Variants in RBFOX1 observed in about 807,000 individuals in gnomAD.
RBFOX1 encodes the protein RNA binding fox-1 homolog 1, also known as RNA binding protein fox-1 homolog 1.
Under a neutral mutation model 57.7 loss-of-function variants are expected in RBFOX1, and 8 were observed. The observed-to-expected ratio is 0.14, with a 90% CI of 0.08 to 0.25. RBFOX1 has a LOEUF of 0.25. Ranked by LOEUF, RBFOX1 falls within the 10% of genes least tolerant of loss-of-function variation. RBFOX1 has a pLI of 1.00. For missense variants in RBFOX1, 611 were observed against 548.5 expected, an observed-to-expected ratio of 1.11 and a Z score of -1.14; for synonymous variants, 326 against 222.4, an observed-to-expected ratio of 1.47 and a Z score of -4.15.
At chr16:6,234,274 A>T (rs185101038) in intron 1 of RBFOX1, among the ~76,000 whole-genome samples, 1 of 152,326 alleles carries the variant, frequency 6.6e-6, no homozygotes, top group Non-Finnish European at 1.5e-5. Context: ...TACAGAAGCT[A>T]AATTTCCCCT....
intron 3 of RBFOX1, among the ~76,000 whole-genome samples, chr16:6,909,334 G>T (rs561059796): frequency 1.3e-5 from 2 of 152,122 alleles, no homozygotes; most frequent in Non-Finnish European, 2.9e-5. Flanking sequence ...TCTTCCTCTT[G>T]TAAGGAACTT....
intron 4 of RBFOX1, among the ~76,000 whole-genome samples, chr16:5,895,116 T>C (rs1251546148): frequency 6.6e-6 from 1 of 152,176 alleles, no homozygotes; most frequent in Non-Finnish European, 1.5e-5. Context: ...ATTTAAGGGG[T>C]ATTTTTATAA....
In RBFOX1 at chr16:6,635,628, G is replaced by T. The variant is rs1467706621; in HGVS notation, c.-63-18975G>T. Among the ~76,000 whole-genome samples the T allele has an allele frequency of 2.0e-5, 3 of 152,298 alleles. No homozygotes were observed. The East Asian group carries it at 5.8e-4, about 29-fold the overall frequency. On this transcript the variant is annotated intron_variant, in intron 2 of 15. Transcript: ENST00000550418. ...AGGAACATACTAGAATATGAGTCTA[G>T]GAAGGAAGGTGGCATAGGCACAGAA...
intron 4 of RBFOX1, among the ~76,000 whole-genome samples, chr16:5,867,594 A>C (rs540721819): frequency 6.6e-6 from 1 of 152,314 alleles, no homozygotes; most frequent in South Asian, 2.1e-4. Flanking sequence ...ATACATCATA[A>C]TTCTAGCCCA....
chr16:5,833,232 G>A (rs971842559), intron 3 of RBFOX1, among the ~76,000 whole-genome samples: 4 of 152,150 alleles, frequency 2.6e-5, no homozygotes, highest in Admixed American at 6.5e-5. Context: ...GGTGGCTCAC[G>A]CCTGTAATCC....
At chr16:6,347,473 A>C (rs1184560949) in intron 2 of RBFOX1, among the ~76,000 whole-genome samples, 1 of 152,228 alleles carries the variant, frequency 6.6e-6, no homozygotes, top group Non-Finnish European at 1.5e-5. Flanking sequence ...CAAATGCAAT[A>C]GTTGCTGTGA....
intron 3 of RBFOX1, among the ~76,000 whole-genome samples, chr16:6,757,357 C>A (rs1334984678): frequency 6.6e-6 from 1 of 152,126 alleles, no homozygotes; most frequent in South Asian, 2.1e-4. Context: ...GTGTTTACTG[C>A]AGCATTATTT....
intron 4 of RBFOX1, among the ~76,000 whole-genome samples, chr16:7,109,323 A>G (rs2064202267): frequency 6.6e-6 from 1 of 152,180 alleles, no homozygotes. Flanking sequence ...CCGTGAAACA[A>G]AGAGAAAATG....
At chr16:6,995,723 C>T (rs189843415) in intron 3 of RBFOX1, among the ~76,000 whole-genome samples, 3,371 of 151,930 alleles carry the variant, frequency 0.022, 119 homozygotes, top group African/African-American at 0.077. Context: ...ATCATGCCAC[C>T]GCACTGCAGC....
chr16:7,527,947 T>G (rs2079068860), intron 5 of RBFOX1, among the ~76,000 whole-genome samples: 1 of 152,216 alleles, frequency 6.6e-6, no homozygotes, highest in Non-Finnish European at 1.5e-5. Context: ...GAGATTTATT[T>G]TAAAGGTAAT....
At chr16:5,566,928 T>C (rs2046093542) in intron 2 of RBFOX1, among the ~76,000 whole-genome samples, 1 of 152,182 alleles carries the variant, frequency 6.6e-6, no homozygotes, top group African/African-American at 2.4e-5. Flanking sequence ...GTGACCTGGA[T>C]TGATTTCCAT....
chr16:5,942,098 T>C (rs2059292117), intron 4 of RBFOX1, among the ~76,000 whole-genome samples: 1 of 152,166 alleles, frequency 6.6e-6, no homozygotes, highest in South Asian at 2.1e-4. Flanking sequence ...CAGTGGGTTC[T>C]TCTTGCCTGA....
chr16:6,859,167 A>ATATATATATGTATATATATACG lies in RBFOX1; in HGVS notation c.-15-192883_-15-192882insATGTATATATATACGTATATAT, dbSNP rs1567593244. On this transcript the variant is annotated intron_variant, in intron 3 of 15. Transcript: ENST00000550418. Reference sequence around the variant, plus strand: ...TATATATATATGTATATATATACGTATATATATGTATATATATGTATATAT... The same window carrying ATATATATATGTATATATATACG: ...TATATATATATGTATATATATACGTATATATATATGTATATATATACGTATATATGTATATATATGTATATAT... Among the ~76,000 whole-genome samples, 227 of 73,688 alleles carry ATATATATATGTATATATATACG rather than the reference A, an allele frequency of 3.1e-3. 12 individuals are homozygous for ATATATATATGTATATATATACG. Among genetic ancestry groups the ATATATATATGTATATATATACG allele is most frequent in the African/African-American group, 0.015 (220 of 14,768 alleles). 48.3% of individuals were successfully genotyped at this position (73,688 alleles called of 152,430 possible). A position where few individuals can be genotyped will look rare whatever the true frequency, so the allele number is the denominator to read the frequency against.
At chr16:7,185,268 G>C (rs2083485043) in intron 4 of RBFOX1, among the ~76,000 whole-genome samples, 1 of 152,060 alleles carries the variant, frequency 6.6e-6, no homozygotes, top group African/African-American at 2.4e-5. Context: ...AATTGAAGGA[G>C]GTGTTTGCAC....
intron 1 of RBFOX1, among the ~76,000 whole-genome samples, chr16:5,255,342 ATCCATCCATCCC>A (rs1489643972): frequency 1.1e-4 from 8 of 73,700 alleles, no homozygotes; most frequent in South Asian, 4.0e-4. Flanking sequence ...CCATCCATCC[ATCCATCCATCCC>A]TCCATCCATC....
intron 4 of RBFOX1, among the ~76,000 whole-genome samples, chr16:7,424,362 C>T (rs945214370): frequency 3.3e-5 from 5 of 152,082 alleles, no homozygotes; most frequent in Admixed American, 2.0e-4. Context: ...CAGGTTCAAG[C>T]GATGCTCCTG....
intron 5 of RBFOX1, among the ~76,000 whole-genome samples, chr16:7,527,069 C>G (rs542698210): frequency 6.6e-6 from 1 of 152,330 alleles, no homozygotes; most frequent in South Asian, 2.1e-4. Flanking sequence ...TGTTTGAGAC[C>G]TGCGCCTTGA....
intron 4 of RBFOX1, among the ~76,000 whole-genome samples, chr16:5,944,755 C>CCA (rs2059358669): frequency 7.5e-6 from 1 of 133,014 alleles, no homozygotes; most frequent in South Asian, 2.5e-4. Flanking sequence ...GAGATAGAGA[C>CCA]CATCCTGGCC....
chr16:7,395,820 G>C (rs942184347), intron 4 of RBFOX1, among the ~76,000 whole-genome samples: 1 of 152,148 alleles, frequency 6.6e-6, no homozygotes, highest in African/African-American at 2.4e-5. Flanking sequence ...TTTGTTTCCT[G>C]CGGGTGAAAT....
Sources: allele counts gnomAD v4.1 joint callset (sites outside exome capture counted in the v4.1 genomes callset), GRCh38; gene constraint gnomAD v4.1.1; transcripts MANE v1.5; gene names NCBI Gene and HGNC (gene_info 2026-07-23, HGNC 2026-07-21).